NBPF26: variants seen among roughly 807,000 people sequenced by gnomAD.
NBPF26 encodes NBPF family member NBPF26.
Under a neutral mutation model 119.6 loss-of-function variants are expected in NBPF26, and 79 were observed. That is an observed-to-expected ratio of 0.66 (90% CI 0.55 to 0.80). NBPF26 has a LOEUF of 0.80. Ranked by LOEUF, NBPF26 falls within the 30% of genes least tolerant of loss-of-function variation. The pLI is 0.00. For missense variants in NBPF26, 800 were observed against 1,198.2 expected (o/e 0.67, Z 4.91); for synonymous variants, 299 against 457.7 (o/e 0.65, Z 4.43).
Position 120,805,753 on chromosome 1 carries a change from C to G in NBPF26, c.949C>G (p.Gln317Glu). The G allele has an allele frequency of 3.5e-6, 5 of 1,420,910 alleles. 1 individual carries two copies. The South Asian group carries it at 4.8e-5, about 14-fold the overall frequency. The allele number at this position is 1,420,910 out of a possible 1,614,324, so 88.0% of individuals were successfully genotyped here. Reference sequence around the variant, plus strand: ...ACTGGCCGGCTTCCTGGCCAACCGACAGAAGAAATACAGTAAGATCTATAG... The same window carrying G: ...ACTGGCCGGCTTCCTGGCCAACCGAGAGAAGAAATACAGTAAGATCTATAG... The change falls in exon 5 of 30, where the codon CAG becomes GAG. Residue 317 changes from glutamine to glutamate, a missense_variant. This residue lies in a region of NBPF26 where 155 missense variants were observed against 143.7 expected (regional missense o/e 1.08). Coordinates refer to ENST00000620612, the Ensembl canonical transcript of NBPF26.
intron 4 of NBPF26, among the ~76,000 whole-genome samples, chr1:120,802,618 T>C (rs1276009204): frequency 8.4e-6 from 1 of 119,490 alleles, no homozygotes; most frequent in East Asian, 2.0e-4. Context: ...CACAGCAACA[T>C]GGCCAATCTT....
chr1:120,823,750 C>CTGTGTG (rs1257120112), intron 17 of NBPF26, among the ~76,000 whole-genome samples: 1 of 32,492 alleles, frequency 3.1e-5, no homozygotes, highest in Non-Finnish European at 6.1e-5. Flanking sequence ...ACTGAGCTCG[C>CTGTGTG]TCTGTGTGTG....
intron 4 of NBPF26, among the ~76,000 whole-genome samples, chr1:120,805,075 G>A (rs1186164115): frequency 8.1e-6 from 1 of 122,854 alleles, no homozygotes; most frequent in Admixed American, 7.9e-5. Context: ...GAGATAAACA[G>A]TGAGGAATAT....
In NBPF26 at chr1:120,805,569, C is replaced by A. The variant is rs1345245276; in HGVS notation, c.765C>A (p.Thr255=). Reference sequence around the variant, plus strand: ...TCTTCTCCCCAGTCCCTGACTCCACCTCTTCTGCCACAAACGTCAGCATGG... The same window carrying A: ...TCTTCTCCCCAGTCCCTGACTCCACATCTTCTGCCACAAACGTCAGCATGG... The change falls in exon 5 of 30, where the codon ACC becomes ACA. Residue 255 remains threonine (T), a synonymous_variant. Transcript: ENST00000620612. 10 of 1,432,264 alleles carry A rather than the reference C, an allele frequency of 7.0e-6. 1 individual carries two copies. Among genetic ancestry groups the A allele is most frequent in the African/African-American group, 2.1e-5 (1 of 48,602 alleles). 88.7% of individuals were successfully genotyped at this position (1,432,264 alleles called of 1,614,324 possible). A position where few individuals can be genotyped will look rare whatever the true frequency, so the allele number is the denominator to read the frequency against.
chr1:120,817,262 A>C (rs1652029449), intron 14 of NBPF26, among the ~76,000 whole-genome samples: 1 of 113,054 alleles, frequency 8.8e-6, no homozygotes, highest in South Asian at 2.6e-4. Flanking sequence ...ATCTCCTTTA[A>C]GTCAGCTTGC....
chr1:120,810,092 C>T (rs1240812895), intron 8 of NBPF26, among the ~76,000 whole-genome samples: 7 of 128,048 alleles, frequency 5.5e-5, no homozygotes, highest in South Asian at 2.3e-4. Flanking sequence ...ACAGGGATAG[C>T]TGAGTCTTCA....
chr1:120,818,573 T>G (rs1652060926), intron 15 of NBPF26, among the ~76,000 whole-genome samples: 2 of 126,726 alleles, frequency 1.6e-5, no homozygotes, highest in East Asian at 2.0e-4. Flanking sequence ...AATTGTGATG[T>G]TAGGGTGTCA....
exon 14 of NBPF26, chr1:120,816,634 G>C: frequency 9.4e-7 from 1 of 1,058,294 alleles, no homozygotes; most frequent in Non-Finnish European, 1.3e-6. Flanking sequence ...AGATGCAGAA[G>C]GCTGAAGAAA....
intron 5 of NBPF26, among the ~76,000 whole-genome samples, chr1:120,806,900 A>G (rs1651702184): frequency 1.6e-5 from 2 of 124,780 alleles, no homozygotes; most frequent in South Asian, 2.4e-4. Context: ...TTTCCTGTCA[A>G]TCTCCTTGAA....
chr1:120,760,220 C>G (rs1651120303), intron 1 of NBPF26, among the ~76,000 whole-genome samples: 1 of 67,302 alleles, frequency 1.5e-5, no homozygotes, highest in South Asian at 4.3e-4. Context: ...TGGAGTCTCT[C>G]TCTGTCACTC....
At position 120,804,263 on chromosome 1, in the gene NBPF26, G is replaced by A. The variant is rs1288363883; in HGVS notation, c.752-1293G>A. ...AGGTGGGGATGAAAGCTGAGAAAGCGAAGAGGTGGTTCAGAGGATCACTGT... is the reference window on the plus strand; with the variant it reads ...AGGTGGGGATGAAAGCTGAGAAAGCAAAGAGGTGGTTCAGAGGATCACTGT... On this transcript the variant is annotated intron_variant, in intron 4 of 29. Coordinates refer to ENST00000620612, the Ensembl canonical transcript of NBPF26. Among the ~76,000 whole-genome samples the A allele has an allele frequency of 7.6e-5, 8 of 105,468 alleles. 2 individuals carry two copies. Among genetic ancestry groups the A allele is most frequent in the African/African-American group, 2.5e-4 (4 of 16,018 alleles). The allele number at this position is 105,468 out of a possible 152,430, so 69.2% of individuals were successfully genotyped here. A position where few individuals can be genotyped will look rare whatever the true frequency, so the allele number is the denominator to read the frequency against.
At chr1:120,811,759 G>C in intron 9 of NBPF26, 127 bp from the exon 10 acceptor site, 1 of 605,272 alleles carries the variant, frequency 1.7e-6, no homozygotes, top group Non-Finnish European at 2.9e-6. Flanking sequence ...GAGATGACAA[G>C]AGTGAAACCA....
At position 120,809,823 on chromosome 1, in the gene NBPF26, A is replaced by G. The variant is rs1403692093; in HGVS notation, c.1292A>G (p.Asp431Gly). 589 of 1,518,720 alleles carry G rather than the reference A, an allele frequency of 3.9e-4. 39 individuals carry two copies. In the Middle Eastern group the frequency reaches 4.5e-3, roughly 12 times the overall value. 94.1% of individuals were successfully genotyped at this position (1,518,720 alleles called of 1,614,324 possible). A position where few individuals can be genotyped will look rare whatever the true frequency, so the allele number is the denominator to read the frequency against. ...TTTGTATTTATAGAAAATGACGAAG[A>G]TGAGGATGAAGATGTTCAAGTTGAG... is the stretch of plus-strand genomic sequence containing the variant. Residue 431 changes from aspartate to glycine, a missense_variant, in exon 8 of 30, where the codon GAT becomes GGT. Coordinates refer to ENST00000620612, the Ensembl canonical transcript of NBPF26.
intron 3 of NBPF26, among the ~76,000 whole-genome samples, chr1:120,790,577 T>TTTCTTTCC (rs1651479090): frequency 9.3e-6 from 1 of 107,216 alleles, no homozygotes; most frequent in Non-Finnish European, 1.7e-5. Context: ...TCTTTCTTTC[T>TTTCTTTCC]TTCTTTCTTT....
chr1:120,823,045 G>T (rs1652154573), intron 16 of NBPF26, among the ~76,000 whole-genome samples: 1 of 122,460 alleles, frequency 8.2e-6, no homozygotes, highest in Admixed American at 7.9e-5. Flanking sequence ...GGAAAAAATT[G>T]CTCATTTGTG....
At chr1:120,813,205 T>C (rs1481326660) in intron 10 of NBPF26, among the ~76,000 whole-genome samples, 1 of 122,188 alleles carries the variant, frequency 8.2e-6, no homozygotes, top group African/African-American at 4.4e-5. Flanking sequence ...CCTCTGTAAA[T>C]TGCTGCAGTG....
At chr1:120,765,781 G>A (rs1334585599) in intron 2 of NBPF26, among the ~76,000 whole-genome samples, 2 of 127,940 alleles carry the variant, frequency 1.6e-5, no homozygotes, top group African/African-American at 3.4e-5. Context: ...ATGTATACAC[G>A]ATGGAATACT....
In NBPF26 at chr1:120,784,833, G is replaced by A; in HGVS notation, c.156-141G>A. 4 of 945,464 alleles carry A rather than the reference G, an allele frequency of 4.2e-6. 1 individual carries two copies. The highest frequency in any genetic ancestry group is 3.1e-4 in the Middle Eastern group (1 of 3,266). The allele number at this position is 945,464 out of a possible 1,614,324, so 58.6% of individuals were successfully genotyped here. ...CTCTAAGGACTCTTTCTTCTAAAGG[G>A]AAGCAGTTTTATAGGTGGTACTTGT... On this transcript the variant is annotated intron_variant, in intron 2 of 29. Transcript: ENST00000620612.
At chr1:120,815,678 G>C (rs1193764761) in intron 12 of NBPF26, among the ~76,000 whole-genome samples, 2 of 73,316 alleles carry the variant, frequency 2.7e-5, no homozygotes, top group Admixed American at 2.7e-4. Flanking sequence ...ATCTTCTGAT[G>C]CATAGAGGAC....
Sources: allele counts gnomAD v4.1 joint callset (sites outside exome capture counted in the v4.1 genomes callset), GRCh38; gene constraint gnomAD v4.1.1; regional missense constraint gnomAD v4.1.1; transcripts MANE v1.5; gene names NCBI Gene and HGNC (gene_info 2026-07-23, HGNC 2026-07-21).